NRXN3: variants seen among roughly 807,000 people sequenced by gnomAD.
NRXN3 encodes the protein neurexin 3, also known as neurexin III.
Under a neutral mutation model 137.6 loss-of-function variants are expected in NRXN3, and 32 were observed. That is an observed-to-expected ratio of 0.23 (90% CI 0.18 to 0.31). The LOEUF is 0.31. Ranked by LOEUF, NRXN3 falls within the 10% of genes least tolerant of loss-of-function variation. The pLI is 1.00. For missense variants in NRXN3, 1,574 were observed against 2,062.5 expected (o/e 0.76, Z 4.59); for synonymous variants, 798 against 784.5 (o/e 1.02, Z -0.29).
At chr14:78,923,697 A>T (rs2099277279) in intron 10 of NRXN3, among the ~76,000 whole-genome samples, 1 of 152,096 alleles carries the variant, frequency 6.6e-6, no homozygotes, top group African/African-American at 2.4e-5. Context: ...AAGTTATTTG[A>T]TCTGTGCGTG....
chr14:78,603,209 G>A (rs956012795), intron 4 of NRXN3, among the ~76,000 whole-genome samples: 1 of 152,096 alleles, frequency 6.6e-6, no homozygotes, highest in African/African-American at 2.4e-5. Context: ...TTGCCCACCT[G>A]CTGCTCTCTT....
rs10146900 is a variant in NRXN3, at chr14:78,816,848, A to C, written c.2275+6504A>C. Among the ~76,000 whole-genome samples, 533 of 152,292 alleles carry C rather than the reference A, an allele frequency of 3.5e-3. 4 individuals are homozygous for C. Among genetic ancestry groups the C allele is most frequent in the African/African-American group, 0.012 (509 of 41,566 alleles). On this transcript the variant is annotated intron_variant, in intron 10 of 20. Transcript: ENST00000335750. Reference sequence around the variant, plus strand: ...CAAACTGTATTTTCATTCTCTTAAGATAGCTTTTCAAAATGTTGCTGTCAC... The same window carrying C: ...CAAACTGTATTTTCATTCTCTTAAGCTAGCTTTTCAAAATGTTGCTGTCAC...
At chr14:78,498,307 G>A (rs905871733) in intron 4 of NRXN3, among the ~76,000 whole-genome samples, 2 of 152,140 alleles carry the variant, frequency 1.3e-5, no homozygotes, top group Non-Finnish European at 2.9e-5. Context: ...GCTTCTGCTG[G>A]CCTGGACATT....
At chr14:78,547,675 T>C (rs1447572157) in intron 4 of NRXN3, among the ~76,000 whole-genome samples, 3 of 151,906 alleles carry the variant, frequency 2.0e-5, no homozygotes, top group African/African-American at 7.2e-5. Flanking sequence ...TTTCTTTGTG[T>C]TGTCTTTTAA....
Position 78,643,650 on chromosome 14 carries a change from G to A in NRXN3, c.758-1470G>A, listed in dbSNP as rs183205621. 1.4e-3 allele frequency among the ~76,000 whole-genome samples: 206 copies of A among 152,260 alleles called. 1 individual carries two copies. The highest frequency in any genetic ancestry group is 9.8e-3 in the East Asian group (51 of 5,186). On this transcript the variant is annotated intron_variant, in intron 4 of 20. Transcript: ENST00000335750. ...GCATTGGGAAATAGCAGCACAAGGG[G>A]AACCAGCCAACCCCTAGTCCTCAAC...
intron 19 of NRXN3, among the ~76,000 whole-genome samples, chr14:79,792,790 C>T (rs1322465217): frequency 6.6e-6 from 1 of 152,172 alleles, no homozygotes; most frequent in African/African-American, 2.4e-5. Context: ...AGCCTTAAAG[C>T]CAATGCGAGC....
At chr14:79,599,471 C>G (rs1449981336) in intron 16 of NRXN3, among the ~76,000 whole-genome samples, 1 of 152,072 alleles carries the variant, frequency 6.6e-6, no homozygotes, top group East Asian at 1.9e-4. Context: ...CCAGACAGAT[C>G]ATAAATGTTA....
intron 4 of NRXN3, among the ~76,000 whole-genome samples, chr14:78,411,030 A>G (rs540883011): frequency 8.5e-5 from 13 of 152,190 alleles, no homozygotes; most frequent in African/African-American, 2.2e-4. Flanking sequence ...GTAAATGAGG[A>G]TAATAGGAAG....
chr14:79,768,161 G>A (rs1457681748), intron 19 of NRXN3, among the ~76,000 whole-genome samples: 2 of 152,238 alleles, frequency 1.3e-5, no homozygotes, highest in Admixed American at 6.5e-5. Flanking sequence ...ACAGCAGTCT[G>A]AGATCAAACT....
chr14:79,333,981 A>T (rs539366808), intron 15 of NRXN3, among the ~76,000 whole-genome samples: 2 of 152,310 alleles, frequency 1.3e-5, no homozygotes, highest in African/African-American at 4.8e-5. Flanking sequence ...CTGCACTTCC[A>T]GTGTAGTTCT....
intron 19 of NRXN3, among the ~76,000 whole-genome samples, chr14:79,714,559 GT>G (rs138403394): frequency 6.6e-6 from 1 of 151,832 alleles, no homozygotes; most frequent in African/African-American, 2.4e-5. Flanking sequence ...GGAGATTCTT[GT>G]TTTTTTTAAT....
At chr14:78,659,855 G>A (rs1348353344) in intron 6 of NRXN3, among the ~76,000 whole-genome samples, 2 of 152,130 alleles carry the variant, frequency 1.3e-5, no homozygotes, top group Non-Finnish European at 2.9e-5. Context: ...GGGCAGGAAA[G>A]AGAGAGAGAA....
At chr14:79,836,466 G>A (rs199892674) in intron 20 of NRXN3, among the ~76,000 whole-genome samples, 4 of 151,928 alleles carry the variant, frequency 2.6e-5, no homozygotes, top group East Asian at 1.9e-4. Context: ...CACTATTCTG[G>A]AAAAAAAATA....
chr14:79,376,643 T>C (rs2094311018), intron 15 of NRXN3, among the ~76,000 whole-genome samples: 1 of 152,184 alleles, frequency 6.6e-6, no homozygotes. Flanking sequence ...TTTTTAATTC[T>C]GTTTTCAAAA....
At chr14:79,206,546 A>G (rs1002680314) in intron 15 of NRXN3, among the ~76,000 whole-genome samples, 2 of 152,198 alleles carry the variant, frequency 1.3e-5, no homozygotes, top group Non-Finnish European at 2.9e-5. Flanking sequence ...GAAGTATACA[A>G]GTATTTAAAG....
intron 3 of NRXN3, among the ~76,000 whole-genome samples, chr14:78,284,702 G>A (rs184474319): frequency 1.9e-3 from 287 of 152,178 alleles, no homozygotes; most frequent in Non-Finnish European, 2.8e-3. Flanking sequence ...GTGCAGTGCC[G>A]TAGAACCTCC....
At chr14:79,007,468 T>TAA (rs2099555440) in intron 15 of NRXN3, among the ~76,000 whole-genome samples, 3 of 146,104 alleles carry the variant, frequency 2.1e-5, no homozygotes, top group Non-Finnish European at 3.0e-5. Context: ...TTTTTTTTTT[T>TAA]AAAGGCAATA....
At chr14:78,845,368 A>G (rs377039939) in intron 10 of NRXN3, among the ~76,000 whole-genome samples, 1 of 152,106 alleles carries the variant, frequency 6.6e-6, no homozygotes, top group African/African-American at 2.4e-5. Flanking sequence ...TATGAATAAC[A>G]ACGTAATTTA....
At chr14:78,784,432 A>AG (rs1472635218) in intron 8 of NRXN3, among the ~76,000 whole-genome samples, 21 of 152,362 alleles carry the variant, frequency 1.4e-4, no homozygotes, top group African/African-American at 3.8e-4. Context: ...GGTGGCTCTA[A>AG]GTCCAAACTG....
Sources: gnomAD v4.1 joint callset for allele counts (sites outside exome capture counted in the v4.1 genomes callset) on GRCh38, gnomAD v4.1.1 for gene constraint, MANE v1.5 for transcripts, NCBI Gene and HGNC (gene_info 2026-07-23, HGNC 2026-07-21) for gene names.